ERMP1: variants seen among roughly 807,000 people sequenced by gnomAD.
ERMP1 encodes Felix-ina.
ERMP1 carries 86 observed loss-of-function variants against 92.0 expected under a neutral mutation model. The observed-to-expected ratio is 0.93, with a 90% CI of 0.79 to 1.12. The LOEUF (loss-of-function observed/expected upper bound fraction) is 1.12, where lower values mean the gene tolerates loss of function less well. Among genes scored for constraint, ERMP1 ranks in the 50% most tolerant of loss-of-function variants. The pLI is 0.00. For missense variants in ERMP1, 1,342 were observed against 1,116.3 expected (o/e 1.20, Z -2.88); for synonymous variants, 530 against 412.8 (o/e 1.28, Z -3.44).
intron 5 of ERMP1, chr9:5,812,646 G>C (rs1829139812): frequency 1.9e-6 from 1 of 527,844 alleles, no homozygotes; most frequent in Non-Finnish European, 3.4e-6. Context: ...TTGGGAATGA[G>C]GTGCTAAACA....
At chr9:5,826,559 T>C (rs1829738378) in intron 2 of ERMP1, among the ~76,000 whole-genome samples, 1 of 152,154 alleles carries the variant, frequency 6.6e-6, no homozygotes, top group South Asian at 2.1e-4. Context: ...TTGTTTGGGC[T>C]CTGTTAAATT....
At chr9:5,866,388 T>C (rs1480616236) in intron 5 of ERMP1, among the ~76,000 whole-genome samples, 2 of 152,144 alleles carry the variant, frequency 1.3e-5, no homozygotes, top group African/African-American at 4.8e-5. Flanking sequence ...AGGCAGAGGA[T>C]TGTTGGATCC....
chr9:5,858,031 A>G (rs749035847), intron 6 of ERMP1, among the ~76,000 whole-genome samples: 1 of 152,222 alleles, frequency 6.6e-6, no homozygotes, highest in Non-Finnish European at 1.5e-5. Context: ...TTGTCCTGGC[A>G]TAACTTACAG....
intron 4 of ERMP1, among the ~76,000 whole-genome samples, chr9:5,822,082 C>T: frequency 6.6e-6 from 1 of 151,816 alleles, no homozygotes; most frequent in Admixed American, 6.6e-5. Flanking sequence ...GGCCAAACCC[C>T]ATCTCTACAA....
At chr9:5,828,835 C>A (rs1203514079) in intron 2 of ERMP1, among the ~76,000 whole-genome samples, 1 of 152,124 alleles carries the variant, frequency 6.6e-6, no homozygotes, top group Non-Finnish European at 1.5e-5. Context: ...TATATACAGC[C>A]TTCTTATATA....
upstream of ERMP1, among the ~76,000 whole-genome samples, chr9:5,836,700 A>T (rs1272767114): frequency 1.3e-5 from 2 of 152,100 alleles, no homozygotes. Flanking sequence ...TGGACAATTG[A>T]TCTTTCCAAC....
In ERMP1 at chr9:5,785,325, A is replaced by G. The variant is rs910467742; in HGVS notation, c.*1819T>C. On this transcript the variant is annotated 3_prime_UTR_variant, in exon 15 of 15. Transcript: ENST00000339450. The stretch of plus-strand genomic sequence containing the variant: ...AACCACGGGGATAGAAAATAGGCCC[A>G]TTTTTAAAATTCATTGAGAAATTAT... 1 of 152,224 alleles carries G rather than the reference A, an allele frequency of 6.6e-6. No individual in the cohort carries two copies. The allele number at this position is 152,224 out of a possible 1,614,324, so 9.4% of individuals were successfully genotyped here.
At chr9:5,793,108 G>C (rs573156676) in intron 13 of ERMP1, among the ~76,000 whole-genome samples, 1 of 152,200 alleles carries the variant, frequency 6.6e-6, no homozygotes, top group African/African-American at 2.4e-5. Flanking sequence ...CTGTATAAGA[G>C]AGATAAATGC....
intron 13 of ERMP1, among the ~76,000 whole-genome samples, chr9:5,794,483 C>T (rs979593820): frequency 6.6e-6 from 1 of 151,086 alleles, no homozygotes; most frequent in Non-Finnish European, 1.5e-5. Context: ...TAGAAAAGAT[C>T]AATAAAATTG....
upstream of ERMP1, among the ~76,000 whole-genome samples, chr9:5,837,365 G>A (rs144037977): frequency 6.6e-6 from 1 of 152,084 alleles, no homozygotes; most frequent in African/African-American, 2.4e-5. Context: ...CAATATTCAA[G>A]TACAATTCAG....
chr9:5,843,696 G>A (rs1258553459), intron 6 of ERMP1, among the ~76,000 whole-genome samples: 1 of 152,184 alleles, frequency 6.6e-6, no homozygotes, highest in East Asian at 1.9e-4. Flanking sequence ...ATAAGTAGCA[G>A]AACGCTTTCT....
rs1251948382 is a variant in ERMP1 at position 5,823,926 on chromosome 9, C to T, written c.844G>A (p.Val282Ile). 2 of 1,613,854 alleles carry T rather than the reference C, an allele frequency of 1.2e-6. No homozygotes were observed. Among genetic ancestry groups the T allele is most frequent in the East Asian group, 2.2e-5 (1 of 44,884 alleles). ...TGGAATACAAGTTCTTTCCCTCCTA[C>T]ACCTGCTGCCTCTAGGTTAATGAAT... ...RAFINLEAAG[V>I]GGKELVFQTG... The change falls in exon 4 of 15, where the codon GTA becomes ATA. Residue 282 changes from valine to isoleucine, a missense_variant. Val to Ile is a conservative substitution (Grantham distance 29, BLOSUM62 3). Transcript: ENST00000339450.
chr9:5,818,058 C>T (rs1388432036), intron 4 of ERMP1, among the ~76,000 whole-genome samples: 2 of 151,102 alleles, frequency 1.3e-5, no homozygotes, highest in African/African-American at 4.9e-5. Context: ...TGGTGGATCT[C>T]GGTATATCAA....
intron 2 of ERMP1, among the ~76,000 whole-genome samples, chr9:5,829,214 C>A (rs1201523563): frequency 3.4e-5 from 5 of 147,886 alleles, no homozygotes; most frequent in African/African-American, 1.3e-4. Flanking sequence ...ACTTGGCCCC[C>A]CAGCCAAAAA....
chr9:5,822,073 G>A (rs577472059), intron 4 of ERMP1, among the ~76,000 whole-genome samples: 1 of 151,844 alleles, frequency 6.6e-6, no homozygotes, highest in South Asian at 2.1e-4. Context: ...GGGCAACATG[G>A]CCAAACCCCA....
At chr9:5,814,047 C>T (rs1586800562) in intron 4 of ERMP1, among the ~76,000 whole-genome samples, 1 of 152,078 alleles carries the variant, frequency 6.6e-6, no homozygotes, top group South Asian at 2.1e-4. Context: ...GGCGTGGCTA[C>T]ATGACTTGCT....
intron 13 of ERMP1, among the ~76,000 whole-genome samples, chr9:5,793,210 A>G (rs1828276678): frequency 6.6e-6 from 1 of 152,122 alleles, no homozygotes; most frequent in South Asian, 2.1e-4. Flanking sequence ...GTATTATTTA[A>G]AAGTGGGCTT....
chr9:5,813,106 C>G, intron 4 of ERMP1, 71 bp from the exon 5 acceptor site: 1 of 1,542,080 alleles, frequency 6.5e-7, no homozygotes, highest in Non-Finnish European at 8.9e-7. Flanking sequence ...TGTTTTTCAA[C>G]ACATAGAAAA....
chr9:5,837,878 A>G (rs1830112668), upstream of ERMP1, among the ~76,000 whole-genome samples: 1 of 152,142 alleles, frequency 6.6e-6, no homozygotes, highest in South Asian at 2.1e-4. Context: ...TGAGGCAGGC[A>G]GATAACTTGA....
Sources: gnomAD v4.1 joint callset for allele counts (sites outside exome capture counted in the v4.1 genomes callset) on GRCh38, gnomAD v4.1.1 for gene constraint, MANE v1.5 for transcripts, NCBI Gene and HGNC (gene_info 2026-07-23, HGNC 2026-07-21) for gene names.